The following PRKAG2 variants were observed in gnomAD, a reference collection of about 807,000 sequenced individuals.
The protein encoded by PRKAG2 is protein kinase AMP-activated non-catalytic subunit gamma 2.
In PRKAG2, 26 loss-of-function variants were observed where a neutral mutation model predicts 69.6. That is an observed-to-expected ratio of 0.37 (90% CI 0.27 to 0.52). The LOEUF is 0.52. Ranked by LOEUF, PRKAG2 falls within the 20% of genes least tolerant of loss-of-function variation. The pLI, the probability that PRKAG2 is intolerant of heterozygous loss-of-function variation, is 0.90. For synonymous variants in PRKAG2, 293 were observed against 285.0 expected (o/e 1.03, Z -0.28); for missense variants, 557 against 740.0 (o/e 0.75, Z 2.87).
intron 3 of PRKAG2, among the ~76,000 whole-genome samples, chr7:151,714,340 CCTGCCATCCTCCCACACGCACG>C (rs1251089674): frequency 6.6e-6 from 1 of 151,492 alleles, no homozygotes; most frequent in African/African-American, 2.4e-5. Flanking sequence ...CCATCCCAGC[CCTGCCATCCTCCCACACGCACG>C]CTGCCGTCCT....
chr7:151,696,292 G>A (rs1836644928), intron 3 of PRKAG2, among the ~76,000 whole-genome samples: 1 of 152,224 alleles, frequency 6.6e-6, no homozygotes, highest in Non-Finnish European at 1.5e-5. Context: ...CACAGCCATC[G>A]TGCAGCCGCC....
In PRKAG2 at chr7:151,836,687, G is replaced by A. The variant is rs991507439; in HGVS notation, c.114+39820C>T. 2.0e-5 allele frequency among the ~76,000 whole-genome samples: 3 copies of A among 152,112 alleles called. No individual in the cohort carries two copies. Among genetic ancestry groups the A allele is most frequent in the Non-Finnish European group, 2.9e-5 (2 of 68,024 alleles). ...GCGGGGCACAGGAGGGCGTGTATGC[G>A]GGTCCTCCAGGGTCCTCAGGCCACA... On this transcript the variant is annotated intron_variant, in intron 1 of 15. Coordinates refer to ENST00000287878, the MANE Select transcript of PRKAG2 (RefSeq NM_016203.4). The surrounding 1 kb of genome is among the most constrained non-coding windows in gnomAD (Gnocchi z 4.1).
At chr7:151,837,066 C>T (rs1399473726) in intron 1 of PRKAG2, among the ~76,000 whole-genome samples, 1 of 152,216 alleles carries the variant, frequency 6.6e-6, no homozygotes, top group Non-Finnish European at 1.5e-5. Context: ...AGCCACACCA[C>T]ACCGTGCACA....
chr7:151,631,584 C>T (rs755452346), intron 5 of PRKAG2: 16 of 434,342 alleles, frequency 3.7e-5, no homozygotes, highest in Admixed American at 1.7e-4. Context: ...ATTCAATAAC[C>T]TCTTCAGGTT....
intron 5 of PRKAG2, among the ~76,000 whole-genome samples, chr7:151,624,024 A>G (rs1822201405): frequency 6.6e-6 from 1 of 152,158 alleles, no homozygotes; most frequent in Admixed American, 6.5e-5. Flanking sequence ...GTTACAAATG[A>G]CCAAAGTACA....
At chr7:151,759,185 T>C (rs886097395) in intron 3 of PRKAG2, among the ~76,000 whole-genome samples, 2 of 152,184 alleles carry the variant, frequency 1.3e-5, no homozygotes, top group Non-Finnish European at 2.9e-5. Context: ...GCTCAGAGGC[T>C]GCTCCTGCCT....
chr7:151,722,823 C>A (rs1281040453), intron 3 of PRKAG2, among the ~76,000 whole-genome samples: 1 of 152,120 alleles, frequency 6.6e-6, no homozygotes, highest in Non-Finnish European at 1.5e-5. Flanking sequence ...TAGATAGGCA[C>A]AGGCCCGGCA....
rs1305153700 is a variant in PRKAG2 at position 151,850,849 on chromosome 7, AC to A, written c.114+25657del. Reference sequence around the variant, plus strand: ...AGATCTAGTCCCTCCCCCCACAGTCACTGATGGTGTCACTGAAAGCCGAGTC... The same window carrying A: ...AGATCTAGTCCCTCCCCCCACAGTCATGATGGTGTCACTGAAAGCCGAGTC... On this transcript the variant is annotated intron_variant, in intron 1 of 15. Coordinates refer to ENST00000287878, the MANE Select transcript of PRKAG2 (RefSeq NM_016203.4). The surrounding 1 kb of genome is among the most constrained non-coding windows in gnomAD (Gnocchi z 4.1). Among the ~76,000 whole-genome samples, 1 of 152,116 alleles carries A rather than the reference AC, an allele frequency of 6.6e-6. No homozygotes were observed. Among genetic ancestry groups the A allele is most frequent in the Non-Finnish European group, 1.5e-5 (1 of 68,040 alleles).
chr7:151,759,694 C>T (rs980147422), intron 3 of PRKAG2, among the ~76,000 whole-genome samples: 1 of 152,210 alleles, frequency 6.6e-6, no homozygotes, highest in Non-Finnish European at 1.5e-5. Flanking sequence ...CTGCTCCCAG[C>T]ACCAGACTCA....
chr7:151,609,578 C>G (rs7792920), intron 5 of PRKAG2, among the ~76,000 whole-genome samples: 21,444 of 152,066 alleles, frequency 0.14, 1,625 homozygotes, highest in East Asian at 0.26. Context: ...CAGACAGTTA[C>G]CATCAATCTG....
intron 8 of PRKAG2, among the ~76,000 whole-genome samples, chr7:151,573,786 T>C (rs1808250062): frequency 6.6e-6 from 1 of 152,064 alleles, no homozygotes; most frequent in Non-Finnish European, 1.5e-5. Context: ...TATGGTTGTG[T>C]TTGTTTTTCG....
At chr7:151,665,085 G>C (rs571834394) in intron 4 of PRKAG2, among the ~76,000 whole-genome samples, 1 of 152,308 alleles carries the variant, frequency 6.6e-6, no homozygotes, top group Admixed American at 6.5e-5. Context: ...CGTGAGTGAA[G>C]AGGCAGGATG....
intron 3 of PRKAG2, among the ~76,000 whole-genome samples, chr7:151,692,673 G>C (rs899252416): frequency 1.3e-5 from 2 of 152,124 alleles, no homozygotes; most frequent in Non-Finnish European, 2.9e-5. Context: ...CTCTGCAATG[G>C]GGGAAGCAGG....
chr7:151,744,554 T>C lies in PRKAG2; in HGVS notation c.466+36598A>G, dbSNP rs141519369. Among the ~76,000 whole-genome samples, 1,026 of 152,344 alleles carry C rather than the reference T, an allele frequency of 6.7e-3. 20 individuals are homozygous for C. The highest frequency in any genetic ancestry group is 0.023 in the African/African-American group (977 of 41,582). On this transcript the variant is annotated intron_variant, in intron 3 of 15. Coordinates refer to ENST00000287878, the MANE Select transcript of PRKAG2 (RefSeq NM_016203.4). ...CACCCTATCTCTGGACTTCCAATTA[T>C]ATCAAAACCAAATTTTTGAAAAGAC...
At chr7:151,864,431 G>A (rs1261892083) in intron 1 of PRKAG2, among the ~76,000 whole-genome samples, 1 of 152,144 alleles carries the variant, frequency 6.6e-6, no homozygotes, top group East Asian at 1.9e-4. Flanking sequence ...TTCTCCCAGG[G>A]GCTACCATGC....
At position 151,807,563 on chromosome 7, in the gene PRKAG2, G is replaced by A; in HGVS notation, c.115-21022C>T. The A allele has an allele frequency of 2.2e-6, 1 of 457,838 alleles. No individual in the cohort carries two copies. The highest frequency in any genetic ancestry group is 1.5e-5 in the South Asian group (1 of 64,566). The allele number at this position is 457,838 out of a possible 1,614,324, so 28.4% of individuals were successfully genotyped here. A position where few individuals can be genotyped will look rare whatever the true frequency, so the allele number is the denominator to read the frequency against. ...CCAGCACTGCGCCTTCCAGAACCCA[G>A]CGTAGATGCACAGCTGCCACGGAGG... On this transcript the variant is annotated intron_variant, in intron 1 of 15. Coordinates refer to ENST00000287878, the MANE Select transcript of PRKAG2 (RefSeq NM_016203.4). This position sits in a 1 kb window ranked among gnomAD's most constrained non-coding sequence, Gnocchi z 4.4.
chr7:151,590,803 A>G (rs1045833567), intron 6 of PRKAG2, among the ~76,000 whole-genome samples: 1 of 152,242 alleles, frequency 6.6e-6, no homozygotes, highest in African/African-American at 2.4e-5. Context: ...GTTAGGACAA[A>G]GACGAGAAAT....
At chr7:151,631,837 G>A (rs964282876) in intron 5 of PRKAG2, 8 of 499,962 alleles carry the variant, frequency 1.6e-5, no homozygotes, top group South Asian at 6.3e-5. Context: ...GCTCAGGGCT[G>A]CGCTCTGGGA....
intron 3 of PRKAG2, among the ~76,000 whole-genome samples, chr7:151,721,544 CT>C (rs1218299602): frequency 1.3e-5 from 2 of 152,170 alleles, no homozygotes; most frequent in Admixed American, 6.5e-5. Context: ...CGTGCCACCC[CT>C]CTGCCCCATG....
Sources: allele counts gnomAD v4.1 joint callset (sites outside exome capture counted in the v4.1 genomes callset), GRCh38; gene constraint gnomAD v4.1.1; non-coding constraint Gnocchi (gnomAD v3.1); transcripts MANE v1.5; gene names NCBI Gene and HGNC (gene_info 2026-07-23, HGNC 2026-07-21).